SAMD8: variants seen among roughly 807,000 people sequenced by gnomAD.
The protein encoded by SAMD8 is sphingomyelin synthase-related protein 1.
Under a neutral mutation model 42.0 loss-of-function variants are expected in SAMD8, and 20 were observed. That is an observed-to-expected ratio of 0.48 (90% CI 0.34 to 0.69). SAMD8 has a LOEUF of 0.69. Ranked by LOEUF, SAMD8 falls within the 30% of genes least tolerant of loss-of-function variation. The pLI is 0.01. For missense variants in SAMD8, 328 were observed against 511.6 expected, an observed-to-expected ratio of 0.64 and a Z score of 3.46; for synonymous variants, 162 against 173.0, an observed-to-expected ratio of 0.94 and a Z score of 0.50.
At chr10:75,100,277 C>T (rs72805324) in intron 1 of SAMD8, among the ~76,000 whole-genome samples, 12,437 of 152,206 alleles carry the variant, frequency 0.082, 704 homozygotes, top group African/African-American at 0.15. Flanking sequence ...GTCTGAAGAA[C>T]GGGGCTCTCC....
At position 75,114,940 on chromosome 10, in the gene SAMD8, A is replaced by G. The variant is rs528695379; in HGVS notation, c.-16+3218A>G. Among the ~76,000 whole-genome samples the G allele has an allele frequency of 5.6e-4, 85 of 152,298 alleles. 3 individuals are homozygous for G. The South Asian group carries it at 0.017, about 30-fold the overall frequency. On this transcript the variant is annotated intron_variant, in intron 1 of 5. Transcript: ENST00000542569. ...AATTGCATATTCTGCTAAATTACCT[A>G]TGAAGCTCTTTTGAATGATTGTGGT...
intron 1 of SAMD8, among the ~76,000 whole-genome samples, chr10:75,121,029 G>C (rs539043116): frequency 6.6e-6 from 1 of 150,546 alleles, no homozygotes; most frequent in East Asian, 2.0e-4. Context: ...TACCCACTTC[G>C]GCCTCCCAAA....
Position 75,133,064 on chromosome 10 carries a change from G to T in SAMD8, c.-15-17450G>T, listed in dbSNP as rs192489209. 1.2e-3 allele frequency among the ~76,000 whole-genome samples: 178 copies of T among 152,210 alleles called. 2 individuals carry two copies. Among genetic ancestry groups the T allele is most frequent in the African/African-American group, 4.2e-3 (175 of 41,530 alleles). ...ATCCTGATTGACTGTTGGTGGAAAT[G>T]TAAATACAGCCATTATGGAAAACAC... On this transcript the variant is annotated intron_variant, in intron 1 of 5. Transcript: ENST00000542569.
At position 75,170,670 on chromosome 10, in the gene SAMD8, C is replaced by G. The variant is rs536773625; in HGVS notation, c.792+2012C>G. ...TTAAAAAGTAAAAATTCACCTGATT[C>G]TTTTTTACCACACCCTATAAATAAT... On this transcript the variant is annotated intron_variant, in intron 4 of 5. Transcript: ENST00000542569. 1.1e-4 allele frequency among the ~76,000 whole-genome samples: 16 copies of G among 150,408 alleles called. 2 individuals carry two copies. The South Asian group carries it at 3.1e-3, about 30-fold the overall frequency.
At chr10:75,111,544 G>C, upstream of SAMD8, 1 of 1,240,708 alleles carries the variant, frequency 8.1e-7, no homozygotes, top group South Asian at 3.6e-5. Context: ...ACGGCGGCCG[G>C]GACGATGCCT....
intron 1 of SAMD8, among the ~76,000 whole-genome samples, chr10:75,137,305 C>T (rs1464826909): frequency 2.0e-5 from 3 of 151,972 alleles, no homozygotes; most frequent in East Asian, 1.9e-4. Context: ...TTTGGGAGGC[C>T]GAGGTGGGTG....
chr10:75,132,825 C>CA (rs963644587), intron 1 of SAMD8, among the ~76,000 whole-genome samples: 5 of 151,672 alleles, frequency 3.3e-5, no homozygotes, highest in African/African-American at 1.2e-4. Context: ...CCTATCTCTA[C>CA]AAAAAATAAG....
chr10:75,176,464 T>C lies in SAMD8; in HGVS notation c.1020T>C (p.Ala340=). ...LNLFGIFFIL[A]AHEHYSIDVF... is the part of the protein sequence containing the mutation. Reference sequence around the variant, plus strand: ...TCTTTGGAATCTTCTTCATCTTGGCTGCCCATGAACATTATTCTATTGATG... The same window carrying C: ...TCTTTGGAATCTTCTTCATCTTGGCCGCCCATGAACATTATTCTATTGATG... The change falls in exon 6 of 6, where the codon GCT becomes GCC. Residue 340 remains alanine, a synonymous_variant. Coordinates refer to ENST00000542569, the MANE Select transcript of SAMD8 (RefSeq NM_001174156.2). This position sits in a 1 kb window ranked among gnomAD's most constrained non-coding sequence, Gnocchi z 4.3. 6.4e-7 allele frequency: 1 copy of C among 1,550,856 alleles called. No homozygotes were observed. Among genetic ancestry groups the C allele is most frequent in the Non-Finnish European group, 8.7e-7 (1 of 1,147,072 alleles).
At chr10:75,126,499 C>CTTTT (rs779589994) in intron 1 of SAMD8, among the ~76,000 whole-genome samples, 4 of 115,538 alleles carry the variant, frequency 3.5e-5, no homozygotes, top group African/African-American at 9.6e-5. Flanking sequence ...AGTGCTTTTG[C>CTTTT]TTTTTTTTTT....
At chr10:75,154,125 TAAAATAGGAG>T (rs935001614) in intron 2 of SAMD8, among the ~76,000 whole-genome samples, 2 of 152,118 alleles carry the variant, frequency 1.3e-5, no homozygotes, top group Non-Finnish European at 2.9e-5. Flanking sequence ...ATGGAGTGGA[TAAAATAGGAG>T]AAAACAGCCA....
upstream of SAMD8, chr10:75,111,524 C>A (rs923115082): frequency 6.5e-6 from 8 of 1,231,218 alleles, no homozygotes; most frequent in Non-Finnish European, 8.1e-6. Context: ...CAGCTGCCGG[C>A]GCGGCGGTGA....
At chr10:75,122,371 G>A (rs956960579) in intron 1 of SAMD8, among the ~76,000 whole-genome samples, 1 of 152,010 alleles carries the variant, frequency 6.6e-6, no homozygotes, top group Non-Finnish European at 1.5e-5. Context: ...CAGCACTTTG[G>A]GAGGCCGAGG....
At chr10:75,105,701 C>T in intron 1 of SAMD8, 1 of 1,551,396 alleles carries the variant, frequency 6.4e-7, no homozygotes, top group South Asian at 1.2e-5. Context: ...AGTTGCTGGT[C>T]CAGCCTGCAG....
chr10:75,161,927 C>T (rs960357437), intron 2 of SAMD8, among the ~76,000 whole-genome samples: 1 of 152,054 alleles, frequency 6.6e-6, no homozygotes, highest in African/African-American at 2.4e-5. Flanking sequence ...ATCCCAGCTA[C>T]TCGGGAGGCT....
At chr10:75,111,774 CA>C in intron 1 of SAMD8, 52 bp downstream of exon 1, 1 of 1,232,444 alleles carries the variant, frequency 8.1e-7, no homozygotes. Context: ...CGCCTGCTGC[CA>C]AGGGTGAGTG....
At chr10:75,165,190 T>A (rs1049621628) in intron 3 of SAMD8, among the ~76,000 whole-genome samples, 2 of 152,114 alleles carry the variant, frequency 1.3e-5, no homozygotes, top group African/African-American at 4.8e-5. Context: ...CTTGGGAGGC[T>A]GAGGCAGGAG....
chr10:75,127,832 C>A (rs1476607693), intron 1 of SAMD8, among the ~76,000 whole-genome samples: 3 of 152,176 alleles, frequency 2.0e-5, no homozygotes, highest in African/African-American at 7.2e-5. Flanking sequence ...TTAACTAGTT[C>A]ATGCTAAGGA....
chr10:75,127,225 C>T (rs1361727643), intron 1 of SAMD8, among the ~76,000 whole-genome samples: 1 of 150,878 alleles, frequency 6.6e-6, no homozygotes, highest in Non-Finnish European at 1.5e-5. Context: ...TGTAATGTAA[C>T]TTTGATACAT....
intron 1 of SAMD8, chr10:75,104,159 T>C: frequency 1.6e-6 from 2 of 1,225,656 alleles, no homozygotes; most frequent in Non-Finnish European, 2.2e-6. Context: ...TGGCTGGGAC[T>C]TGTTGGGGCA....
Sources: gnomAD v4.1 joint callset for allele counts (sites outside exome capture counted in the v4.1 genomes callset) on GRCh38, gnomAD v4.1.1 for gene constraint, Gnocchi (gnomAD v3.1) non-coding constraint, MANE v1.5 for transcripts, NCBI Gene and HGNC (gene_info 2026-07-23, HGNC 2026-07-21) for gene names.